The following SLC25A16 variants were observed in gnomAD, a reference collection of about 807,000 sequenced individuals.
The protein encoded by SLC25A16 is solute carrier family 25 member 16, also known as mitochondrial coenzyme A transporter SLC25A16.
Under a neutral mutation model 41.5 loss-of-function variants are expected in SLC25A16, and 39 were observed. The observed-to-expected ratio is 0.94, with a 90% CI of 0.73 to 1.23. SLC25A16 has a LOEUF of 1.23. Among genes scored for constraint, SLC25A16 ranks in the 50% most tolerant of loss-of-function variants. The pLI, the probability that SLC25A16 is intolerant of heterozygous loss-of-function variation, is 0.00. For missense variants in SLC25A16, 421 were observed against 426.9 expected (o/e 0.99, Z 0.12); for synonymous variants, 146 against 147.8 (o/e 0.99, Z 0.09).
At chr10:68,509,461 T>C (rs2053016154) in intron 2 of SLC25A16, among the ~76,000 whole-genome samples, 2 of 152,064 alleles carry the variant, frequency 1.3e-5, no homozygotes, top group African/African-American at 4.8e-5. Context: ...ATGCCAATAA[T>C]CTGAGCACTT....
chr10:68,503,794 T>C lies in SLC25A16; in HGVS notation c.358-99A>G, dbSNP rs2052899883. On this transcript the variant is annotated intron_variant, in intron 3 of 8. Coordinates refer to ENST00000609923, the MANE Select transcript of SLC25A16 (RefSeq NM_152707.4). Reference sequence around the variant, plus strand: ...TTTATTTCAAGAGTTACAGGACTAATAAAAAGGAAATTAATAATAAATGTG... The same window carrying C: ...TTTATTTCAAGAGTTACAGGACTAACAAAAAGGAAATTAATAATAAATGTG... 7.9e-6 allele frequency: 6 copies of C among 756,608 alleles called. No homozygotes were observed. In the South Asian group the frequency reaches 1.0e-4, roughly 13 times the overall value. The allele number at this position is 756,608 out of a possible 1,614,324, so 46.9% of individuals were successfully genotyped here.
In SLC25A16 at chr10:68,495,176, C is replaced by T. The variant is rs146095982; in HGVS notation, c.422-1606G>A. 2.7e-3 allele frequency among the ~76,000 whole-genome samples: 405 copies of T among 151,880 alleles called. 4 individuals are homozygous for T. The highest frequency in any genetic ancestry group is 9.2e-3 in the African/African-American group (381 of 41,454). On this transcript the variant is annotated intron_variant, in intron 4 of 8. Transcript: ENST00000609923. ...CTGTAATCCCAGCACTTTGGGAGAC[C>T]GAGGTAGGCGGATCACTTGAGGTCA...
chr10:68,494,652 A>C (rs1043016200), intron 4 of SLC25A16, among the ~76,000 whole-genome samples: 9 of 148,590 alleles, frequency 6.1e-5, no homozygotes, highest in African/African-American at 1.7e-4. Context: ...TGAGGTGGAC[A>C]GATCACCTGA....
At chr10:68,510,878 A>T (rs1306687229) in intron 2 of SLC25A16, among the ~76,000 whole-genome samples, 3 of 152,152 alleles carry the variant, frequency 2.0e-5, no homozygotes, top group Admixed American at 6.5e-5. Context: ...GAGCAAAATT[A>T]AAAAAACTAT....
rs751344122 is a variant in SLC25A16 at position 68,493,477 on chromosome 10, A to C, written c.515T>G (p.Ile172Ser). 6.2e-7 allele frequency: 1 copy of C among 1,613,508 alleles called. No individual in the cohort carries two copies. Among genetic ancestry groups the C allele is most frequent in the South Asian group, 1.1e-5 (1 of 91,072 alleles). Residue 172 changes from isoleucine (I) to serine (S), a missense_variant, in exon 5 of 9, where the codon ATT becomes AGT. Coordinates refer to ENST00000609923, the MANE Select transcript of SLC25A16 (RefSeq NM_152707.4). ...VKGEHSYTGI[I>S]HAFKTIYAKE... ...TGCATAAATTGTTTTGAAAGCATGA[A>C]TAATTCCTGTATAGCTGTGTTCCCC...
chr10:68,491,461 G>A (rs949389688), intron 6 of SLC25A16, among the ~76,000 whole-genome samples: 1 of 152,076 alleles, frequency 6.6e-6, no homozygotes, highest in African/African-American at 2.4e-5. Context: ...CTAACCTCAG[G>A]TGATCCACCT....
At chr10:68,526,968 CTT>C (rs1405351971) in intron 1 of SLC25A16, among the ~76,000 whole-genome samples, 7 of 152,224 alleles carry the variant, frequency 4.6e-5, no homozygotes, top group African/African-American at 1.7e-4. Flanking sequence ...GGATCCTCCT[CTT>C]TTCCCTGTTA....
intron 2 of SLC25A16, among the ~76,000 whole-genome samples, chr10:68,516,043 A>G (rs1319583285): frequency 6.6e-6 from 1 of 152,138 alleles, no homozygotes; most frequent in East Asian, 1.9e-4. Context: ...CAAGTTCCTG[A>G]ACCTACAGAG....
At chr10:68,510,081 A>C (rs1016495946) in intron 2 of SLC25A16, among the ~76,000 whole-genome samples, 15 of 152,008 alleles carry the variant, frequency 9.9e-5, no homozygotes, top group African/African-American at 3.4e-4. Context: ...CATCTCAAAA[A>C]ATAAATAAAT....
At chr10:68,488,656 T>G in intron 6 of SLC25A16, 27 bp from the exon 7 acceptor site, 1 of 1,580,470 alleles carries the variant, frequency 6.3e-7, no homozygotes, top group South Asian at 1.1e-5. Flanking sequence ...AAATTCACCA[T>G]GATGCTTAAC....
chr10:68,525,872 G>A (rs1025451956), intron 1 of SLC25A16, among the ~76,000 whole-genome samples: 1 of 152,148 alleles, frequency 6.6e-6, no homozygotes, highest in Non-Finnish European at 1.5e-5. Flanking sequence ...GGTGCAAGAT[G>A]TGCTTTGTTA....
chr10:68,525,792 T>G (rs2053327771), intron 1 of SLC25A16, among the ~76,000 whole-genome samples: 1 of 152,208 alleles, frequency 6.6e-6, no homozygotes, highest in South Asian at 2.1e-4. Context: ...TCTGTTAATC[T>G]ATAACCTTAC....
intron 4 of SLC25A16, among the ~76,000 whole-genome samples, chr10:68,497,130 C>T (rs1465481025): frequency 6.6e-6 from 1 of 152,174 alleles, no homozygotes. Flanking sequence ...TCAATGAATA[C>T]GGAAGTGGAT....
chr10:68,487,726 T>C (rs1432792612), intron 7 of SLC25A16, among the ~76,000 whole-genome samples: 2 of 152,228 alleles, frequency 1.3e-5, no homozygotes, highest in African/African-American at 4.8e-5. Flanking sequence ...TCAACCCCAG[T>C]AGAGAACTGC....
intron 2 of SLC25A16, among the ~76,000 whole-genome samples, chr10:68,507,001 T>C (rs569260640): frequency 3.3e-5 from 5 of 150,538 alleles, no homozygotes; most frequent in South Asian, 2.1e-4. Flanking sequence ...TATTAAACTA[T>C]AGCAATCTAA....
chr10:68,519,472 T>A (rs78008030), intron 1 of SLC25A16, among the ~76,000 whole-genome samples: 6,057 of 137,996 alleles, frequency 0.044, 134 homozygotes, highest in Middle Eastern at 0.08. Flanking sequence ...GGTGACAGAG[T>A]GAGACTCCAT....
intron 2 of SLC25A16, among the ~76,000 whole-genome samples, chr10:68,512,103 T>C (rs2053074119): frequency 1.3e-5 from 2 of 152,054 alleles, no homozygotes; most frequent in African/African-American, 4.8e-5. Context: ...TTTGTATACA[T>C]GAGCAATAAA....
intron 6 of SLC25A16, among the ~76,000 whole-genome samples, chr10:68,491,312 C>T (rs1425579141): frequency 1.3e-5 from 2 of 151,856 alleles, no homozygotes; most frequent in African/African-American, 2.4e-5. Flanking sequence ...CTGCAACCTC[C>T]GCCTCCTGGG....
At chr10:68,512,638 C>CA (rs1163431016) in intron 2 of SLC25A16, among the ~76,000 whole-genome samples, 475 of 16,960 alleles carry the variant, frequency 0.028, 53 homozygotes, top group African/African-American at 0.056. Context: ...GACTCCGTCT[C>CA]AAAAAAAAAA....
Sources: allele counts gnomAD v4.1 joint callset (sites outside exome capture counted in the v4.1 genomes callset), GRCh38; gene constraint gnomAD v4.1.1; transcripts MANE v1.5; gene names NCBI Gene and HGNC (gene_info 2026-07-23, HGNC 2026-07-21).